SLCO1B1: variants seen among roughly 807,000 people sequenced by gnomAD.
SLCO1B1 encodes the protein solute carrier organic anion transporter family member 1B1, also known as OATP-2.
A neutral mutation model predicts 70.1 loss-of-function variants in SLCO1B1; 81 were observed. The ratio of observed to expected loss-of-function variants is 1.16; its 90% CI spans 0.97 to 1.39. SLCO1B1 has a LOEUF of 1.39. SLCO1B1 is among the 40% of genes most tolerant of loss of function. The pLI is 0.00. For synonymous variants in SLCO1B1, 283 were observed against 271.5 expected, an observed-to-expected ratio of 1.04 and a Z score of -0.42; for missense variants, 895 against 799.6, an observed-to-expected ratio of 1.12 and a Z score of -1.44.
At chr12:21,158,444 C>T (rs1405329356) in intron 2 of SLCO1B1, among the ~76,000 whole-genome samples, 1 of 152,090 alleles carries the variant, frequency 6.6e-6, no homozygotes, top group Non-Finnish European at 1.5e-5. Flanking sequence ...GCCTGTAATC[C>T]CAGCACTTTG....
chr12:21,183,247 G>A (rs80125989), intron 7 of SLCO1B1, among the ~76,000 whole-genome samples: 18,614 of 152,288 alleles, frequency 0.12, 1,522 homozygotes, highest in Non-Finnish European at 0.18. Flanking sequence ...CCAGGCTAGA[G>A]CGCAGAGAAG....
chr12:21,220,294 T>C (rs1941408272), intron 12 of SLCO1B1, among the ~76,000 whole-genome samples: 1 of 152,168 alleles, frequency 6.6e-6, no homozygotes, highest in Admixed American at 6.5e-5. Flanking sequence ...AGCAATGTCA[T>C]ATATGCAATC....
At chr12:21,223,326 T>C (rs1941449060) in intron 13 of SLCO1B1, among the ~76,000 whole-genome samples, 1 of 152,154 alleles carries the variant, frequency 6.6e-6, no homozygotes, top group East Asian at 1.9e-4. Flanking sequence ...AACAATTGTC[T>C]TGAATACAAT....
intron 14 of SLCO1B1, among the ~76,000 whole-genome samples, chr12:21,229,483 A>G (rs1182562371): frequency 6.6e-6 from 1 of 152,194 alleles, no homozygotes; most frequent in East Asian, 1.9e-4. Context: ...AGTATGTAGC[A>G]TTTTTAGACT....
At chr12:21,212,543 G>T (rs1417452114) in intron 11 of SLCO1B1, among the ~76,000 whole-genome samples, 12 of 130,214 alleles carry the variant, frequency 9.2e-5, no homozygotes, top group African/African-American at 3.5e-4. Context: ...ATATTCTGTT[G>T]ATTTGGGGTG....
intron 2 of SLCO1B1, among the ~76,000 whole-genome samples, chr12:21,167,782 A>G (rs1003688254): frequency 1.1e-4 from 17 of 148,042 alleles, no homozygotes; most frequent in African/African-American, 4.2e-4. Context: ...TAATTTTTTG[A>G]CTACTTTAAA....
At chr12:21,164,767 T>C in intron 2 of SLCO1B1, 1 of 462,836 alleles carries the variant, frequency 2.2e-6, no homozygotes, top group Non-Finnish European at 4.4e-6. Flanking sequence ...TATAATCAAC[T>C]GAAGACTTAG....
intron 8 of SLCO1B1, among the ~76,000 whole-genome samples, chr12:21,197,731 C>G (rs184755819): frequency 6.6e-6 from 1 of 152,098 alleles, no homozygotes; most frequent in African/African-American, 2.4e-5. Flanking sequence ...AAGTTTCTCC[C>G]TATGTAATTA....
At chr12:21,209,218 C>G (rs1341457785) in intron 11 of SLCO1B1, among the ~76,000 whole-genome samples, 5 of 151,834 alleles carry the variant, frequency 3.3e-5, no homozygotes, top group African/African-American at 1.2e-4. Flanking sequence ...CTCCTCCCAC[C>G]CCACAACAGT....
Position 21,219,583 on chromosome 12 carries a change from G to A in SLCO1B1, c.1682+2280G>A, listed in dbSNP as rs532358191. Among the ~76,000 whole-genome samples, 15 of 152,352 alleles carry A rather than the reference G, an allele frequency of 9.8e-5. No homozygotes were observed. The South Asian group carries it at 2.9e-3, about 29-fold the overall frequency. On this transcript the variant is annotated intron_variant, in intron 12 of 14. Coordinates refer to ENST00000256958, the MANE Select transcript of SLCO1B1 (RefSeq NM_006446.5). ...ACATAACTAGAAGATCACTCTGGCT[G>A]TGGGTAGAAAGTGTGTTTTGTGAAA...
chr12:21,132,751 G>A (rs1007699616), intron 1 of SLCO1B1, among the ~76,000 whole-genome samples: 37 of 152,070 alleles, frequency 2.4e-4, no homozygotes, highest in African/African-American at 8.4e-4. Flanking sequence ...CAGATGAGTA[G>A]GTTGCAAAAA....
At chr12:21,185,605 A>T (rs1376468320) in intron 7 of SLCO1B1, among the ~76,000 whole-genome samples, 1 of 152,056 alleles carries the variant, frequency 6.6e-6, no homozygotes, top group Non-Finnish European at 1.5e-5. Context: ...GTTAAGAGGA[A>T]GTTTACAATG....
intron 2 of SLCO1B1, among the ~76,000 whole-genome samples, chr12:21,144,574 A>T (rs531499031): frequency 6.6e-6 from 1 of 152,202 alleles, no homozygotes; most frequent in East Asian, 1.9e-4. Context: ...TCCCTTCAAG[A>T]TACTATACAA....
At chr12:21,220,709 C>G (rs1023702440) in intron 12 of SLCO1B1, among the ~76,000 whole-genome samples, 2 of 151,724 alleles carry the variant, frequency 1.3e-5, no homozygotes, top group East Asian at 1.9e-4. Flanking sequence ...GTAACTGTGT[C>G]AAGGGCTGCT....
intron 8 of SLCO1B1, among the ~76,000 whole-genome samples, chr12:21,200,251 T>C (rs1941140839): frequency 6.6e-6 from 1 of 152,186 alleles, no homozygotes; most frequent in Non-Finnish European, 1.5e-5. Context: ...GAAAGCAAGT[T>C]ACAAAACAGC....
intron 7 of SLCO1B1, among the ~76,000 whole-genome samples, chr12:21,196,557 AC>A (rs751166641): frequency 2.2e-4 from 33 of 152,148 alleles, no homozygotes; most frequent in Middle Eastern, 3.4e-3. Flanking sequence ...TTCATTGCTG[AC>A]CCTTTCTTGA....
intron 2 of SLCO1B1, among the ~76,000 whole-genome samples, chr12:21,164,430 T>C (rs2121083670): frequency 6.6e-6 from 1 of 152,254 alleles, no homozygotes; most frequent in Middle Eastern, 3.4e-3. Context: ...CCTCTTAAAC[T>C]TCTCCTTGTG....
chr12:21,135,923 C>T (rs529180573), intron 1 of SLCO1B1, among the ~76,000 whole-genome samples: 16 of 152,246 alleles, frequency 1.1e-4, no homozygotes, highest in African/African-American at 3.1e-4. Context: ...CAGTTTCTTC[C>T]TAGCCTTGAT....
chr12:21,159,576 G>A (rs981262), intron 2 of SLCO1B1, among the ~76,000 whole-genome samples: 62,759 of 151,924 alleles, frequency 0.41, 13,123 homozygotes, highest in East Asian at 0.57. Flanking sequence ...TACATAGTTT[G>A]ATGTAGATAA....
Sources: allele counts gnomAD v4.1 joint callset (sites outside exome capture counted in the v4.1 genomes callset), GRCh38; gene constraint gnomAD v4.1.1; transcripts MANE v1.5; gene names NCBI Gene and HGNC (gene_info 2026-07-23, HGNC 2026-07-21).